CADM2: variants seen among roughly 807,000 people sequenced by gnomAD.
The protein encoded by CADM2 is cell adhesion molecule 2.
Under a neutral mutation model 49.8 loss-of-function variants are expected in CADM2, and 12 were observed. The observed-to-expected ratio is 0.24, with a 90% CI of 0.15 to 0.39. CADM2 has a LOEUF of 0.39. Ranked by LOEUF, CADM2 falls within the 10% of genes least tolerant of loss-of-function variation. CADM2 has a pLI of 1.00. For missense variants in CADM2, 378 were observed against 492.3 expected (o/e 0.77, Z 2.20); for synonymous variants, 214 against 175.4 (o/e 1.22, Z -1.74).
At chr3:85,014,587 G>A (rs112234730) in intron 1 of CADM2, among the ~76,000 whole-genome samples, 19 of 152,122 alleles carry the variant, frequency 1.2e-4, no homozygotes, top group African/African-American at 4.6e-4. Flanking sequence ...CCCAAACATA[G>A]CAATTTAGAG....
intron 1 of CADM2, among the ~76,000 whole-genome samples, chr3:85,212,885 TC>T (rs1469274861): frequency 0.017 from 2,071 of 123,794 alleles, 122 homozygotes; most frequent in African/African-American, 0.081. Context: ...TTTCTTTCTT[TC>T]TCTTTCTTTC....
chr3:86,038,464 C>T lies in CADM2; in HGVS notation c.971-27141C>T, dbSNP rs114762286. ...TTAACCTGGCTTTTTCAGACCTTGCCCTCTAAACTCCAATTAATCCTCTTG... is the reference window on the plus strand; with the variant it reads ...TTAACCTGGCTTTTTCAGACCTTGCTCTCTAAACTCCAATTAATCCTCTTG... On this transcript the variant is annotated intron_variant, in intron 8 of 9. Coordinates refer to ENST00000383699, the MANE Select transcript of CADM2 (RefSeq NM_001167675.2). Among the ~76,000 whole-genome samples, 460 of 152,216 alleles carry T rather than the reference C, an allele frequency of 3.0e-3. 3 individuals carry two copies. Among genetic ancestry groups the T allele is most frequent in the African/African-American group, 1.0e-2 (414 of 41,542 alleles).
At chr3:85,308,554 C>T (rs1022818761) in intron 1 of CADM2, among the ~76,000 whole-genome samples, 2 of 151,826 alleles carry the variant, frequency 1.3e-5, no homozygotes, top group South Asian at 2.1e-4. Flanking sequence ...ATTGATTCAT[C>T]GTTAAATTCT....
chr3:85,199,770 C>T (rs1211823140), intron 1 of CADM2, among the ~76,000 whole-genome samples: 1 of 151,768 alleles, frequency 6.6e-6, no homozygotes, highest in African/African-American at 2.4e-5. Flanking sequence ...GGAAAACAAA[C>T]CTGTAGTCAA....
At chr3:85,577,971 AC>A (rs1296410418) in intron 1 of CADM2, among the ~76,000 whole-genome samples, 1 of 118,912 alleles carries the variant, frequency 8.4e-6, no homozygotes, top group African/African-American at 3.7e-5. Flanking sequence ...TTATAATCTT[AC>A]CTATTAATCT....
chr3:85,368,549 A>C (rs1434935212), intron 1 of CADM2, among the ~76,000 whole-genome samples: 2 of 149,984 alleles, frequency 1.3e-5, no homozygotes, highest in African/African-American at 4.9e-5. Flanking sequence ...TATATACCTG[A>C]ATATATATAT....
At chr3:85,061,826 A>G (rs2036329421) in intron 1 of CADM2, among the ~76,000 whole-genome samples, 1 of 152,200 alleles carries the variant, frequency 6.6e-6, no homozygotes, top group African/African-American at 2.4e-5. Flanking sequence ...TATACTTTTT[A>G]TTACTTAATA....
At chr3:85,051,887 C>T (rs576963165) in intron 1 of CADM2, among the ~76,000 whole-genome samples, 2 of 152,126 alleles carry the variant, frequency 1.3e-5, no homozygotes, top group East Asian at 3.9e-4. Flanking sequence ...TGCAAACTCC[C>T]CACTGAGATA....
intron 1 of CADM2, among the ~76,000 whole-genome samples, chr3:85,691,000 T>C (rs1404624373): frequency 2.6e-5 from 4 of 152,182 alleles, no homozygotes; most frequent in South Asian, 2.1e-4. Context: ...TACTGTGCAA[T>C]AGAAAACTCA....
At chr3:85,409,168 T>C (rs1559825113) in intron 1 of CADM2, among the ~76,000 whole-genome samples, 1 of 152,186 alleles carries the variant, frequency 6.6e-6, no homozygotes, top group African/African-American at 2.4e-5. Flanking sequence ...TTTCAACTCA[T>C]TTCCATTTTA....
intron 1 of CADM2, among the ~76,000 whole-genome samples, chr3:84,982,929 A>G (rs935421942): frequency 2.0e-5 from 3 of 148,338 alleles, no homozygotes; most frequent in African/African-American, 7.8e-5. Flanking sequence ...TTGTATTTTT[A>G]GTAGAGATGG....
chr3:85,627,934 T>C (rs2064175436), intron 1 of CADM2, among the ~76,000 whole-genome samples: 1 of 152,074 alleles, frequency 6.6e-6, no homozygotes, highest in Non-Finnish European at 1.5e-5. Flanking sequence ...CTTACTGAAT[T>C]CCTCGGATTT....
intron 1 of CADM2, among the ~76,000 whole-genome samples, chr3:85,477,722 A>T (rs1157031533): frequency 1.3e-5 from 2 of 151,820 alleles, no homozygotes; most frequent in Non-Finnish European, 2.9e-5. Flanking sequence ...CAATCTAGAT[A>T]TTGCATTGTA....
chr3:85,099,471 T>TA (rs2037929344), intron 1 of CADM2, among the ~76,000 whole-genome samples: 1 of 150,014 alleles, frequency 6.7e-6, no homozygotes, highest in Admixed American at 6.6e-5. Context: ...TGAATTAAAT[T>TA]TTTTTTTTTT....
rs565230997 is a variant in CADM2, at chr3:85,795,484, T to C, written c.89-6563T>C. 4.6e-5 allele frequency among the ~76,000 whole-genome samples: 7 copies of C among 152,168 alleles called. No homozygotes were observed. The South Asian group carries it at 6.2e-4, about 14-fold the overall frequency. On this transcript the variant is annotated intron_variant, in intron 2 of 9. Transcript: ENST00000383699. ...GACTGCAGGGATTTTAGGCTGCGGG[T>C]CCTAGAGAACTAAAATCATACTTCA...
At chr3:85,182,821 G>A (rs2040968789) in intron 1 of CADM2, among the ~76,000 whole-genome samples, 1 of 151,970 alleles carries the variant, frequency 6.6e-6, no homozygotes, top group African/African-American at 2.4e-5. Context: ...CCAATTCTCT[G>A]TATATTTTTT....
chr3:85,254,974 A>G (rs2042852069), intron 1 of CADM2, among the ~76,000 whole-genome samples: 1 of 152,138 alleles, frequency 6.6e-6, no homozygotes, highest in Non-Finnish European at 1.5e-5. Context: ...GCAAGTTTGC[A>G]AAGAATGAAG....
At chr3:85,468,320 C>T (rs1431044400) in intron 1 of CADM2, among the ~76,000 whole-genome samples, 1 of 151,986 alleles carries the variant, frequency 6.6e-6, no homozygotes, top group East Asian at 1.9e-4. Flanking sequence ...ATTAGGTGAA[C>T]TGTTGTGTCT....
chr3:85,850,848 G>A (rs936082051), intron 3 of CADM2, among the ~76,000 whole-genome samples: 5 of 152,148 alleles, frequency 3.3e-5, no homozygotes, highest in African/African-American at 1.2e-4. Context: ...TTTGTGCGTG[G>A]TTGGTTGCCT....
Sources: allele counts gnomAD v4.1 joint callset (sites outside exome capture counted in the v4.1 genomes callset), GRCh38; gene constraint gnomAD v4.1.1; transcripts MANE v1.5; gene names NCBI Gene and HGNC (gene_info 2026-07-23, HGNC 2026-07-21).